The following PFKM variants were observed in gnomAD, a reference collection of about 807,000 sequenced individuals.
PFKM encodes the protein phosphofructokinase, muscle.
Under a neutral mutation model 95.5 loss-of-function variants are expected in PFKM, and 58 were observed. That is an observed-to-expected ratio of 0.61 (90% CI 0.49 to 0.76). PFKM has a LOEUF of 0.76. Among genes scored for constraint, PFKM ranks in the 30% least tolerant of loss-of-function variants. The pLI is 0.00. For missense variants in PFKM, 678 were observed against 1,005.4 expected (o/e 0.67, Z 4.40); for synonymous variants, 336 against 357.2 (o/e 0.94, Z 0.67).
chr12:48,114,537 C>T (rs1469365597), upstream of PFKM, among the ~76,000 whole-genome samples: 12 of 151,818 alleles, frequency 7.9e-5, no homozygotes, highest in Admixed American at 3.9e-4. Context: ...TTCAGCCTGG[C>T]GGGGAGCGAC....
At chr12:48,139,639 A>G (rs1950409602) in intron 12 of PFKM, 8 of 640,892 alleles carry the variant, frequency 1.2e-5, no homozygotes, top group Middle Eastern at 4.1e-4. Flanking sequence ...TGCTGAGCAT[A>G]GTGCCTGAAG....
rs756906584 is a variant in PFKM, at chr12:48,141,394, G to A, written c.1412+13G>A. The A allele has an allele frequency of 1.2e-6, 2 of 1,610,560 alleles. No individual in the cohort carries two copies. The highest frequency in any genetic ancestry group is 2.7e-5 in the African/African-American group (2 of 74,840). On this transcript the variant is annotated intron_variant, in intron 15 of 22. Transcript: ENST00000359794. ...TTGGGACTAAAAGGTAAGTAGCACTGCAGAGGCACCTCCTCCCAGTCACCT... is the reference window on the plus strand; with the variant it reads ...TTGGGACTAAAAGGTAAGTAGCACTACAGAGGCACCTCCTCCCAGTCACCT...
chr12:48,122,765 A>G lies in PFKM; in HGVS notation c.-8-2A>G, dbSNP rs559443040. On this transcript the variant is annotated splice_acceptor_variant, in intron 1 of 22. Coordinates refer to ENST00000359794, the MANE Select transcript of PFKM (RefSeq NM_000289.6). LOFTEE classifies it low-confidence loss of function (5UTR_SPLICE). The stretch of plus-strand genomic sequence containing the variant: ...TTAACTGACCATTGTCTTAAATTCT[A>G]GAGTGGATCATGACCCATGAAGAGC... 2 of 1,613,892 alleles carry G rather than the reference A, an allele frequency of 1.2e-6. No individual in the cohort carries two copies. Among genetic ancestry groups the G allele is most frequent in the African/African-American group, 1.3e-5 (1 of 75,036 alleles).
upstream of PFKM, among the ~76,000 whole-genome samples, chr12:48,114,799 G>C (rs2137661096): frequency 1.3e-5 from 2 of 152,266 alleles, no homozygotes; most frequent in Middle Eastern, 6.8e-3. Flanking sequence ...TCGTAGGATG[G>C]AGAAATCAAA....
At chr12:48,114,094 G>C (rs192699795) in intron 3 of PFKM, among the ~76,000 whole-genome samples, 1 of 152,162 alleles carries the variant, frequency 6.6e-6, no homozygotes, top group Non-Finnish European at 1.5e-5. Flanking sequence ...ATTGGGGATC[G>C]CCTCAGGGAA....
At chr12:48,108,172 A>G (rs1565834505) in exon 3 of PFKM, 1 of 1,598,718 alleles carries the variant, frequency 6.3e-7, no homozygotes. Flanking sequence ...ACACCGTGGG[A>G]AGCATACCTG....
chr12:48,106,255 A>T (rs916000215), intron 1 of PFKM: 1 of 615,542 alleles, frequency 1.6e-6, no homozygotes, highest in Admixed American at 2.7e-5. Context: ...GACTAGTCGT[A>T]ATTTCTCAGT....
chr12:48,124,460 A>G (rs994925394), intron 2 of PFKM, among the ~76,000 whole-genome samples: 12 of 152,230 alleles, frequency 7.9e-5, no homozygotes, highest in African/African-American at 2.2e-4. Context: ...AAACAAACCA[A>G]GTGAGATGCA....
At chr12:48,122,460 C>G in intron 1 of PFKM, 1 of 583,540 alleles carries the variant, frequency 1.7e-6, no homozygotes, top group Non-Finnish European at 2.5e-6. Flanking sequence ...CATTTCTATT[C>G]AGTCAACTTC....
upstream of PFKM, among the ~76,000 whole-genome samples, chr12:48,114,690 TG>T (rs2137658989): frequency 1.3e-5 from 2 of 152,046 alleles, no homozygotes; most frequent in East Asian, 3.9e-4. Flanking sequence ...CGAGTTGCAT[TG>T]GGAACACAGA....
intron 19 of PFKM, 100 bp downstream of exon 19, chr12:48,143,914 A>G (rs577611891): frequency 8.1e-6 from 9 of 1,108,846 alleles, no homozygotes; most frequent in Admixed American, 3.4e-5. Context: ...GAATCTGTAG[A>G]TATAAAGGGA....
chr12:48,118,123 T>C (rs1023458867), upstream of PFKM, among the ~76,000 whole-genome samples: 3 of 152,160 alleles, frequency 2.0e-5, no homozygotes, highest in Non-Finnish European at 4.4e-5. Context: ...CTATCAGTAA[T>C]TCCAAAAGGG....
At chr12:48,121,465 A>G (rs1171751714) in intron 1 of PFKM, among the ~76,000 whole-genome samples, 4 of 152,236 alleles carry the variant, frequency 2.6e-5, no homozygotes, top group Non-Finnish European at 5.9e-5. Context: ...CATGTTTGTG[A>G]ATGTATGTCT....
chr12:48,114,481 G>A (rs1040136829), upstream of PFKM, among the ~76,000 whole-genome samples: 1 of 152,138 alleles, frequency 6.6e-6, no homozygotes, highest in African/African-American at 2.4e-5. Flanking sequence ...GTAATAGAAG[G>A]GTTATAGGGT....
intron 3 of PFKM, among the ~76,000 whole-genome samples, chr12:48,112,507 A>G (rs1947284866): frequency 1.3e-5 from 2 of 152,246 alleles, no homozygotes; most frequent in Admixed American, 1.3e-4. Context: ...AGTACAGCCC[A>G]GGTAATTTGC....
intron 3 of PFKM, among the ~76,000 whole-genome samples, chr12:48,110,147 C>G (rs1592576038): frequency 6.6e-6 from 1 of 152,192 alleles, no homozygotes; most frequent in East Asian, 1.9e-4. Flanking sequence ...TCAGGAAGAC[C>G]TGAGGGATGA....
upstream of PFKM, among the ~76,000 whole-genome samples, chr12:48,115,138 G>A (rs139105080): frequency 3.9e-5 from 6 of 152,258 alleles, no homozygotes; most frequent in East Asian, 3.9e-4. Context: ...CAAGGCAGGC[G>A]TCCCTGTGGA....
At chr12:48,119,238 G>A (rs78512814), upstream of PFKM, 1 of 981,918 alleles carries the variant, frequency 1.0e-6, no homozygotes, top group Non-Finnish European at 1.2e-6. Context: ...GCAGGAGGAG[G>A]CGGAGCCTTC....
chr12:48,138,729 A>G (rs1158948008), intron 11 of PFKM, among the ~76,000 whole-genome samples: 1 of 152,206 alleles, frequency 6.6e-6, no homozygotes, highest in Non-Finnish European at 1.5e-5. Flanking sequence ...TTTATCTGTG[A>G]GCATTCTTCC....
Sources: gnomAD v4.1 joint callset for allele counts (sites outside exome capture counted in the v4.1 genomes callset) on GRCh38, gnomAD v4.1.1 for gene constraint, MANE v1.5 for transcripts, NCBI Gene and HGNC (gene_info 2026-07-23, HGNC 2026-07-21) for gene names.